LNX1: variants seen among roughly 807,000 people sequenced by gnomAD.
LNX1 encodes the protein E3 ubiquitin-protein ligase LNX.
In LNX1, 54 loss-of-function variants were observed where a neutral mutation model predicts 68.4. The ratio of observed to expected loss-of-function variants is 0.79; its 90% CI spans 0.63 to 0.99. LNX1 has a LOEUF of 0.99. Among genes scored for constraint, LNX1 ranks in the 50% least tolerant of loss-of-function variants. The pLI, the probability that LNX1 is intolerant of heterozygous loss-of-function variation, is 0.00. For missense variants in LNX1, 906 were observed against 926.4 expected, an observed-to-expected ratio of 0.98 and a Z score of 0.29; for synonymous variants, 336 against 350.0, an observed-to-expected ratio of 0.96 and a Z score of 0.45.
At chr4:53,537,341 T>A (rs920714579) in intron 2 of LNX1, among the ~76,000 whole-genome samples, 1 of 152,196 alleles carries the variant, frequency 6.6e-6, no homozygotes, top group African/African-American at 2.4e-5. Context: ...GTCCACCCTT[T>A]CTTAATTGAC....
intron 4 of LNX1, among the ~76,000 whole-genome samples, chr4:53,504,692 G>A (rs910223929): frequency 6.6e-6 from 1 of 152,222 alleles, no homozygotes; most frequent in Non-Finnish European, 1.5e-5. Flanking sequence ...TTTAAAGTGA[G>A]AGACATGTGG....
intron 1 of LNX1, chr4:53,576,476 C>T: frequency 1.4e-5 from 19 of 1,321,882 alleles, no homozygotes; most frequent in Non-Finnish European, 1.7e-5. Flanking sequence ...CAGGACAGCC[C>T]TGCCCTTCCC....
At chr4:53,581,535 G>A (rs1176783633) in intron 1 of LNX1, among the ~76,000 whole-genome samples, 1 of 152,186 alleles carries the variant, frequency 6.6e-6, no homozygotes, top group Non-Finnish European at 1.5e-5. Context: ...AGTTCCATAT[G>A]ACTGAGGAAG....
Position 53,495,627 on chromosome 4 carries a change from C to T in LNX1, c.1350+396G>A, listed in dbSNP as rs373452550. On this transcript the variant is annotated intron_variant, in intron 6 of 10. Transcript: ENST00000263925. ...GCACGATCTCAGCTCACTGCAACCT[C>T]CGCCTCCCAGTTTCAAGTGATTCTC... Among the ~76,000 whole-genome samples, 4 of 150,410 alleles carry T rather than the reference C, an allele frequency of 2.7e-5. No individual in the cohort carries two copies. In the East Asian group the frequency reaches 7.9e-4, roughly 30 times the overall value.
At chr4:53,612,590 CAGG>C (rs1244978837) in intron 2 of LNX1, among the ~76,000 whole-genome samples, 1 of 152,080 alleles carries the variant, frequency 6.6e-6, no homozygotes, top group Non-Finnish European at 1.5e-5. Flanking sequence ...GAGGCTGAGG[CAGG>C]AGAATTGCTT....
chr4:53,465,025 A>G (rs1722563786), intron 9 of LNX1, among the ~76,000 whole-genome samples: 1 of 152,118 alleles, frequency 6.6e-6, no homozygotes, highest in Admixed American at 6.5e-5. Context: ...CTACTTGATA[A>G]TTGTTATCAA....
At chr4:53,475,542 C>T (rs1237514491) in intron 9 of LNX1, among the ~76,000 whole-genome samples, 1 of 152,186 alleles carries the variant, frequency 6.6e-6, no homozygotes, top group Non-Finnish European at 1.5e-5. Flanking sequence ...AGACTTATCT[C>T]CACCCTCAAG....
chr4:53,527,536 G>A (rs192898804), intron 2 of LNX1, among the ~76,000 whole-genome samples: 1 of 152,282 alleles, frequency 6.6e-6, no homozygotes, highest in Non-Finnish European at 1.5e-5. Context: ...TGGCTCCACT[G>A]GTTCTGGAGG....
intron 1 of LNX1, among the ~76,000 whole-genome samples, chr4:53,582,710 T>G (rs979429745): frequency 6.6e-6 from 1 of 152,094 alleles, no homozygotes; most frequent in African/African-American, 2.4e-5. Flanking sequence ...AGATTTTTTG[T>G]TTTTTTGTTT....
chr4:53,489,592 G>A (rs994194628), intron 6 of LNX1, among the ~76,000 whole-genome samples: 1 of 152,060 alleles, frequency 6.6e-6, no homozygotes, highest in Non-Finnish European at 1.5e-5. Flanking sequence ...GGGATATGTG[G>A]GTTAGAGGAA....
At chr4:53,575,863 T>G in intron 1 of LNX1, 2 of 1,589,216 alleles carry the variant, frequency 1.3e-6, no homozygotes, top group Non-Finnish European at 1.7e-6. Context: ...GTTTAGAAAG[T>G]TGCTGAAGTT....
chr4:53,493,884 T>C (rs1479467275), intron 6 of LNX1, among the ~76,000 whole-genome samples: 2 of 152,252 alleles, frequency 1.3e-5, no homozygotes, highest in Admixed American at 1.3e-4. Context: ...TAGAAGATCA[T>C]GCCATTTCCT....
intron 9 of LNX1, among the ~76,000 whole-genome samples, chr4:53,470,573 C>T (rs1189506375): frequency 2.0e-5 from 3 of 152,102 alleles, no homozygotes; most frequent in South Asian, 4.1e-4. Flanking sequence ...GATGACATGA[C>T]TGAATATCTA....
At chr4:53,586,287 G>T (rs191512114) in intron 1 of LNX1, among the ~76,000 whole-genome samples, 1 of 152,228 alleles carries the variant, frequency 6.6e-6, no homozygotes, top group Non-Finnish European at 1.5e-5. Context: ...AACATGCTGC[G>T]CTCTATTCAG....
upstream of LNX1, among the ~76,000 whole-genome samples, chr4:53,595,675 T>G (rs1321659485): frequency 1.3e-5 from 2 of 152,118 alleles, no homozygotes; most frequent in African/African-American, 4.8e-5. Flanking sequence ...CACTTGGGCT[T>G]TTTGATTAGT....
chr4:53,517,437 C>T (rs1726869853), intron 2 of LNX1, among the ~76,000 whole-genome samples: 1 of 152,170 alleles, frequency 6.6e-6, no homozygotes. Flanking sequence ...TCAAATAGGT[C>T]CTATCCCTGC....
At chr4:53,494,693 G>T (rs1432106869) in intron 6 of LNX1, among the ~76,000 whole-genome samples, 7 of 152,226 alleles carry the variant, frequency 4.6e-5, no homozygotes, top group African/African-American at 1.4e-4. Context: ...AATAATCTAA[G>T]TGGTCCTCCC....
chr4:53,505,691 T>G (rs1231849534), intron 4 of LNX1, among the ~76,000 whole-genome samples: 1 of 152,244 alleles, frequency 6.6e-6, no homozygotes, highest in Admixed American at 6.5e-5. Flanking sequence ...GACACTGTGC[T>G]AGGCCTTAAG....
At chr4:53,487,680 G>A (rs1384005478) in intron 6 of LNX1, among the ~76,000 whole-genome samples, 2 of 152,128 alleles carry the variant, frequency 1.3e-5, no homozygotes, top group Non-Finnish European at 2.9e-5. Flanking sequence ...GCTTGATTGC[G>A]TGGGCCCCTT....
Sources: gnomAD v4.1 joint callset for allele counts (sites outside exome capture counted in the v4.1 genomes callset) on GRCh38, gnomAD v4.1.1 for gene constraint, MANE v1.5 for transcripts, NCBI Gene and HGNC (gene_info 2026-07-23, HGNC 2026-07-21) for gene names.